MDFIC2: variants seen among roughly 807,000 people sequenced by gnomAD.
The protein encoded by MDFIC2 is MyoD family inhibitor domain containing 2, also known as myoD family inhibitor domain-containing protein 2.
chr3:70,255,863 T>C (rs998367907), intron 2 of MDFIC2, among the ~76,000 whole-genome samples: 3 of 152,216 alleles, frequency 2.0e-5, no homozygotes, highest in African/African-American at 7.2e-5. Context: ...TAGAAAATGC[T>C]TTAACTTCTT....
intron 2 of MDFIC2, among the ~76,000 whole-genome samples, chr3:70,220,842 A>G (rs1227958703): frequency 6.6e-6 from 1 of 152,114 alleles, no homozygotes; most frequent in Non-Finnish European, 1.5e-5. Context: ...TTGTGCTTCC[A>G]TGACATTCAG....
intron 2 of MDFIC2, among the ~76,000 whole-genome samples, chr3:70,289,968 C>A (rs377598658): frequency 1.3e-5 from 2 of 151,702 alleles, no homozygotes; most frequent in Admixed American, 6.6e-5. Flanking sequence ...CTTCTAAATT[C>A]TTTTCAAAGT....
At chr3:70,212,862 C>G (rs1269140563) in intron 2 of MDFIC2, among the ~76,000 whole-genome samples, 1 of 151,938 alleles carries the variant, frequency 6.6e-6, no homozygotes, top group Non-Finnish European at 1.5e-5. Context: ...GGTGCAATCA[C>G]AGTTCACTGC....
chr3:70,282,116 T>C (rs1426010774), intron 2 of MDFIC2, among the ~76,000 whole-genome samples: 2 of 152,062 alleles, frequency 1.3e-5, no homozygotes, highest in South Asian at 2.1e-4. Flanking sequence ...GTGTTTCAGC[T>C]GGGGAAATGG....
intron 2 of MDFIC2, among the ~76,000 whole-genome samples, chr3:70,248,054 T>C (rs555748054): frequency 1.4e-4 from 22 of 152,054 alleles, no homozygotes; most frequent in African/African-American, 4.8e-4. Context: ...AGGAGAATGG[T>C]AAAGGAGATA....
In MDFIC2 at chr3:70,195,865, C is replaced by A. The variant is rs546656796; in HGVS notation, c.*1061G>T. On this transcript the variant is annotated 3_prime_UTR_variant, in exon 4 of 4. Coordinates refer to ENST00000567252, the MANE Select transcript of MDFIC2 (RefSeq NM_001364677.1). ...ACAAACTGTTTAAACTTATTTGAGTCGAAAATCACTTTCCAGTCTATATCA... is the reference window on the plus strand; with the variant it reads ...ACAAACTGTTTAAACTTATTTGAGTAGAAAATCACTTTCCAGTCTATATCA... Among the ~76,000 whole-genome samples the A allele has an allele frequency of 1.1e-4, 17 of 152,062 alleles. No individual in the cohort carries two copies. Among genetic ancestry groups the A allele is most frequent in the Admixed American group, 2.6e-4 (4 of 15,278 alleles).
chr3:70,250,521 T>C (rs981090227), intron 2 of MDFIC2, among the ~76,000 whole-genome samples: 1 of 152,066 alleles, frequency 6.6e-6, no homozygotes, highest in African/African-American at 2.4e-5. Flanking sequence ...AGCTTTTAGA[T>C]AAATATTTTC....
intron 2 of MDFIC2, among the ~76,000 whole-genome samples, chr3:70,307,879 A>G (rs1333191078): frequency 6.6e-6 from 1 of 152,150 alleles, no homozygotes; most frequent in Non-Finnish European, 1.5e-5. Flanking sequence ...TAATCAGCCA[A>G]TATGCCCATT....
intron 2 of MDFIC2, among the ~76,000 whole-genome samples, chr3:70,286,759 T>TG (rs1702168634): frequency 6.6e-6 from 1 of 152,196 alleles, no homozygotes; most frequent in South Asian, 2.1e-4. Flanking sequence ...TAGTTCTCCT[T>TG]GAAGAGGTCC....
At chr3:70,241,801 T>A (rs1701668880) in intron 2 of MDFIC2, among the ~76,000 whole-genome samples, 1 of 152,196 alleles carries the variant, frequency 6.6e-6, no homozygotes, top group Non-Finnish European at 1.5e-5. Flanking sequence ...ATATTATACC[T>A]ATTTTACAAA....
intron 2 of MDFIC2, among the ~76,000 whole-genome samples, chr3:70,295,812 T>C (rs1238390950): frequency 6.6e-6 from 1 of 152,226 alleles, no homozygotes; most frequent in African/African-American, 2.4e-5. Context: ...ATGTTGCATT[T>C]TGGTGTAATT....
intron 2 of MDFIC2, among the ~76,000 whole-genome samples, chr3:70,264,478 T>A (rs1701897730): frequency 1.3e-5 from 2 of 152,174 alleles, no homozygotes. Flanking sequence ...TGTGCCTGAG[T>A]CCACATGACC....
chr3:70,289,667 T>A (rs1702210129), intron 2 of MDFIC2, among the ~76,000 whole-genome samples: 1 of 152,060 alleles, frequency 6.6e-6, no homozygotes. Flanking sequence ...TCCAACTTGG[T>A]TCCATTCTCC....
At chr3:70,290,759 G>C (rs547141205) in intron 2 of MDFIC2, among the ~76,000 whole-genome samples, 1 of 152,164 alleles carries the variant, frequency 6.6e-6, no homozygotes, top group Non-Finnish European at 1.5e-5. Flanking sequence ...TTATAATCTC[G>C]TGGTGCGCCG....
intron 2 of MDFIC2, among the ~76,000 whole-genome samples, chr3:70,239,001 T>C (rs1218971273): frequency 6.6e-6 from 1 of 152,226 alleles, no homozygotes; most frequent in Non-Finnish European, 1.5e-5. Context: ...AGTGGAAATG[T>C]TTAATTTTGT....
chr3:70,236,249 T>A (rs1701607730), intron 2 of MDFIC2, among the ~76,000 whole-genome samples: 2 of 152,174 alleles, frequency 1.3e-5, no homozygotes, highest in African/African-American at 4.8e-5. Flanking sequence ...TTTAGACACT[T>A]CCCAAAATAA....
chr3:70,260,204 A>G (rs923593257), intron 2 of MDFIC2, among the ~76,000 whole-genome samples: 1 of 152,098 alleles, frequency 6.6e-6, no homozygotes, highest in Non-Finnish European at 1.5e-5. Flanking sequence ...GTGGTTTGCC[A>G]GCAATCACAG....
intron 2 of MDFIC2, among the ~76,000 whole-genome samples, chr3:70,299,671 T>C (rs1362731271): frequency 6.6e-6 from 1 of 152,138 alleles, no homozygotes; most frequent in Non-Finnish European, 1.5e-5. Context: ...CATTTGTGGA[T>C]GCAACAAGCT....
intron 2 of MDFIC2, among the ~76,000 whole-genome samples, chr3:70,293,278 A>T (rs1445535732): frequency 6.6e-6 from 1 of 152,088 alleles, no homozygotes; most frequent in East Asian, 1.9e-4. Flanking sequence ...ATTACAAAGA[A>T]AAACAATTAC....
Sources: allele counts gnomAD v4.1 joint callset (sites outside exome capture counted in the v4.1 genomes callset), GRCh38; gene constraint gnomAD v4.1.1; transcripts MANE v1.5; gene names NCBI Gene and HGNC (gene_info 2026-07-23, HGNC 2026-07-21).